The following PHF21B variants were observed in gnomAD, a reference collection of about 807,000 sequenced individuals.
PHF21B encodes the protein PHD finger protein 4.
Under a neutral mutation model 62.2 loss-of-function variants are expected in PHF21B, and 22 were observed. That is an observed-to-expected ratio of 0.35 (90% CI 0.25 to 0.51). The LOEUF is 0.51. PHF21B is among the 20% of genes least tolerant of loss of function. PHF21B has a pLI of 0.97. For synonymous variants in PHF21B, 341 were observed against 314.7 expected (o/e 1.08, Z -0.88); for missense variants, 701 against 707.9 (o/e 0.99, Z 0.11).
intron 7 of PHF21B, among the ~76,000 whole-genome samples, 175 bp from the exon 8 acceptor site, chr22:44,891,535 G>A (rs1050109330): frequency 4.6e-5 from 7 of 152,134 alleles, no homozygotes; most frequent in Admixed American, 1.3e-4. Flanking sequence ...GCAGAAGCAC[G>A]CAGGAATGGC....
intron 2 of PHF21B, among the ~76,000 whole-genome samples, chr22:44,997,433 G>C (rs1346929456): frequency 6.6e-6 from 1 of 152,060 alleles, no homozygotes; most frequent in African/African-American, 2.4e-5. Context: ...AGGTGGACGT[G>C]GGCAATGTGG....
intron 7 of PHF21B, among the ~76,000 whole-genome samples, chr22:44,892,809 G>A (rs185343476): frequency 5.3e-5 from 8 of 152,322 alleles, no homozygotes; most frequent in Admixed American, 5.2e-4. Flanking sequence ...ATTTACAAGG[G>A]CAGGAAGGTG....
intron 2 of PHF21B, chr22:45,003,541 C>G (rs2073258174): frequency 6.6e-6 from 1 of 152,354 alleles, no homozygotes; most frequent in African/African-American, 2.4e-5. Context: ...AGAGGCCGAG[C>G]AGGTGGGCAG....
At chr22:44,910,951 G>A (rs116321305) in intron 5 of PHF21B, among the ~76,000 whole-genome samples, 3,478 of 152,330 alleles carry the variant, frequency 0.023, 132 homozygotes, top group African/African-American at 0.078. Flanking sequence ...CAAACATGCT[G>A]ATAGTGAGAT....
At chr22:44,981,755 G>A (rs1178256277) in intron 2 of PHF21B, among the ~76,000 whole-genome samples, 2 of 152,236 alleles carry the variant, frequency 1.3e-5, no homozygotes, top group African/African-American at 2.4e-5. Context: ...ACAAAGAAAT[G>A]TGACAAGCTA....
At position 45,009,400 on chromosome 22, in the gene PHF21B, CAG is replaced by C. The variant is rs2073384421; in HGVS notation, c.54+94_54+95del. The C allele has an allele frequency of 1.5e-6, 2 of 1,290,566 alleles. No homozygotes were observed. Among genetic ancestry groups the C allele is most frequent in the Middle Eastern group, 1.9e-4 (1 of 5,178 alleles). 79.9% of individuals were successfully genotyped at this position (1,290,566 alleles called of 1,614,324 possible). A position where few individuals can be genotyped will look rare whatever the true frequency, so the allele number is the denominator to read the frequency against. ...CGGGCAGGCTCCAGCCTGGAAGACC[CAG>C]AGACCCGGAAGAGAGGATGCTGGGC... On this transcript the variant is annotated intron_variant, in intron 1 of 12. Transcript: ENST00000313237. This position sits in a 1 kb window ranked among gnomAD's most constrained non-coding sequence, Gnocchi z 5.9.
At chr22:44,894,616 G>T (rs979159785) in intron 6 of PHF21B, among the ~76,000 whole-genome samples, 5 of 152,196 alleles carry the variant, frequency 3.3e-5, no homozygotes, top group African/African-American at 1.2e-4. Flanking sequence ...TCTTACAAAG[G>T]AACCTTGGCT....
Position 45,009,087 on chromosome 22 carries a change from T to G in PHF21B, c.54+409A>C. The stretch of plus-strand genomic sequence containing the variant: ...CCACGCCGCCGCTCGCCAGCAGCGA[T>G]CGCCAAAACTACTTCTGCACACCGG... On this transcript the variant is annotated intron_variant, in intron 1 of 12. Coordinates refer to ENST00000313237, the MANE Select transcript of PHF21B (RefSeq NM_138415.5). The surrounding 1 kb of genome is among the most constrained non-coding windows in gnomAD (Gnocchi z 5.9). 1 of 1,064,416 alleles carries G rather than the reference T, an allele frequency of 9.4e-7. No homozygotes were observed. Among genetic ancestry groups the G allele is most frequent in the Non-Finnish European group, 1.2e-6 (1 of 859,274 alleles). 65.9% of individuals were successfully genotyped at this position (1,064,416 alleles called of 1,614,324 possible).
intron 5 of PHF21B, among the ~76,000 whole-genome samples, chr22:44,908,723 C>G (rs753517131): frequency 2.4e-4 from 36 of 152,354 alleles, no homozygotes; most frequent in Admixed American, 1.8e-3. Context: ...TTTCTAGGCT[C>G]TAACTCAGAC....
intron 2 of PHF21B, among the ~76,000 whole-genome samples, chr22:44,966,044 C>T (rs1005228636): frequency 2.0e-5 from 3 of 152,208 alleles, no homozygotes; most frequent in African/African-American, 7.2e-5. Flanking sequence ...ACAGGTGTTT[C>T]TCCAGCCATC....
At chr22:44,957,536 T>C (rs995766827) in intron 2 of PHF21B, among the ~76,000 whole-genome samples, 4 of 152,302 alleles carry the variant, frequency 2.6e-5, no homozygotes, top group African/African-American at 9.6e-5. Flanking sequence ...GAATCAATAG[T>C]CAGCCCTCTC....
chr22:44,942,350 G>A (rs921344542), intron 2 of PHF21B, among the ~76,000 whole-genome samples: 5 of 152,278 alleles, frequency 3.3e-5, no homozygotes, highest in Admixed American at 6.5e-5. Context: ...GGCACCCTCT[G>A]CCCGAGGACC....
At chr22:44,980,874 G>A (rs2072828657) in intron 2 of PHF21B, among the ~76,000 whole-genome samples, 1 of 152,154 alleles carries the variant, frequency 6.6e-6, no homozygotes, top group African/African-American at 2.4e-5. Context: ...CAGCACTGCC[G>A]CCCAGAGTCA....
At chr22:44,952,877 G>T (rs1273256446) in intron 2 of PHF21B, among the ~76,000 whole-genome samples, 2 of 152,166 alleles carry the variant, frequency 1.3e-5, no homozygotes, top group Admixed American at 1.3e-4. Context: ...CAAAAGGCAG[G>T]ATTCAGCCCC....
chr22:45,008,437 TG>T, intron 2 of PHF21B, 107 bp downstream of exon 2: 1 of 1,061,820 alleles, frequency 9.4e-7, no homozygotes, highest in Non-Finnish European at 1.3e-6. Flanking sequence ...CAGACCCCTC[TG>T]GGAGTCTGAG....
At chr22:44,893,592 C>T (rs1476043391) in intron 6 of PHF21B, 59 bp from the exon 7 acceptor site, 6 of 1,510,942 alleles carry the variant, frequency 4.0e-6, no homozygotes, top group Non-Finnish European at 5.4e-6. Flanking sequence ...ACCCCAAATG[C>T]TTCCTTGCCA....
rs114185699 is a variant in PHF21B, at chr22:45,000,051, T to C, written c.120+8494A>G. ...ACTATTATTAATCCCCTTTTATAAC[T>C]ACGGAACCAGAGCCTCCAAGGCGGC... On this transcript the variant is annotated intron_variant, in intron 2 of 12. Transcript: ENST00000313237. Among the ~76,000 whole-genome samples, 251 of 152,198 alleles carry C rather than the reference T, an allele frequency of 1.6e-3. 1 individual carries two copies. Among genetic ancestry groups the C allele is most frequent in the African/African-American group, 5.7e-3 (235 of 41,528 alleles).
intron 2 of PHF21B, among the ~76,000 whole-genome samples, chr22:44,996,087 C>A (rs955818966): frequency 1.3e-5 from 2 of 152,172 alleles, no homozygotes; most frequent in African/African-American, 4.8e-5. Flanking sequence ...TCCAAGGAGC[C>A]AGCGGCACAG....
rs910438772 is a variant in PHF21B at position 45,008,747 on chromosome 22, C to CG, written c.55-138dup. On this transcript the variant is annotated intron_variant, in intron 1 of 12. Coordinates refer to ENST00000313237, the MANE Select transcript of PHF21B (RefSeq NM_138415.5). ...AGCGCACCCCAAGTTTCCCGGGCCG[C>CG]GTCCTGCACGCGCGGCGGCCGGGCA... The CG allele has an allele frequency of 1.2e-5, 14 of 1,150,558 alleles. No individual in the cohort carries two copies. The African/African-American group carries it at 2.0e-4, about 16-fold the overall frequency. 71.3% of individuals were successfully genotyped at this position (1,150,558 alleles called of 1,614,324 possible). A position where few individuals can be genotyped will look rare whatever the true frequency, so the allele number is the denominator to read the frequency against.
Sources: allele counts gnomAD v4.1 joint callset (sites outside exome capture counted in the v4.1 genomes callset), GRCh38; gene constraint gnomAD v4.1.1; non-coding constraint Gnocchi (gnomAD v3.1); transcripts MANE v1.5; gene names NCBI Gene and HGNC (gene_info 2026-07-23, HGNC 2026-07-21).